CRMP1: variants seen among roughly 807,000 people sequenced by gnomAD.
The protein encoded by CRMP1 is dihydropyrimidinase-related protein 1.
CRMP1 carries 19 observed loss-of-function variants against 68.3 expected under a neutral mutation model. The observed-to-expected ratio is 0.28, with a 90% CI of 0.19 to 0.41. The LOEUF (loss-of-function observed/expected upper bound fraction) is 0.41, where lower values mean the gene tolerates loss of function less well. CRMP1 is among the 10% of genes least tolerant of loss of function. The probability of loss-of-function intolerance (pLI) is 1.00; values close to 1 mark genes in which losing one functional copy is unlikely to be tolerated. For missense variants in CRMP1, 791 were observed against 967.4 expected, an observed-to-expected ratio of 0.82 and a Z score of 2.42; for synonymous variants, 439 against 399.6, an observed-to-expected ratio of 1.10 and a Z score of -1.18.
rs547572178 is a variant in CRMP1 at position 5,871,336 on chromosome 4, CAG to C, written c.382-4582_382-4581del. 1.6e-3 allele frequency among the ~76,000 whole-genome samples: 244 copies of C among 152,256 alleles called. 2 individuals are homozygous for C. Among genetic ancestry groups the C allele is most frequent in the Non-Finnish European group, 2.7e-3 (183 of 68,028 alleles). On this transcript the variant is annotated intron_variant, in intron 1 of 13. Coordinates refer to ENST00000324989, the MANE Select transcript of CRMP1 (RefSeq NM_001014809.3). ...AGATTTTAGTAGGTACAGGCCCAGACAGGGGTTACCCGGTGCCGTGAGTTTAG... is the reference window on the plus strand; with the variant it reads ...AGATTTTAGTAGGTACAGGCCCAGACGGGTTACCCGGTGCCGTGAGTTTAG...
At chr4:5,839,160 G>A (rs2240492) in intron 9 of CRMP1, among the ~76,000 whole-genome samples, 21,956 of 152,176 alleles carry the variant, frequency 0.14, 2,245 homozygotes, top group East Asian at 0.34. Flanking sequence ...TGAGTAAAAC[G>A]AGGGAGACAG....
In CRMP1 at chr4:5,883,222, G is replaced by T. The variant is rs999149958; in HGVS notation, c.381+9367C>A. Among the ~76,000 whole-genome samples the T allele has an allele frequency of 7.0e-6, 1 of 143,342 alleles. No homozygotes were observed. Among genetic ancestry groups the T allele is most frequent in the African/African-American group, 2.6e-5 (1 of 37,898 alleles). The allele number at this position is 143,342 out of a possible 152,430, so 94.0% of individuals were successfully genotyped here. ...TCTGACACCTGTGCCCTGTTCCGCAGCCTGCCTGCTTTCCTTCCTTCCTTC... is the reference window on the plus strand; with the variant it reads ...TCTGACACCTGTGCCCTGTTCCGCATCCTGCCTGCTTTCCTTCCTTCCTTC... On this transcript the variant is annotated intron_variant, in intron 1 of 13. Coordinates refer to ENST00000324989, the MANE Select transcript of CRMP1 (RefSeq NM_001014809.3). The surrounding 1 kb of genome is among the most constrained non-coding windows in gnomAD (Gnocchi z 4.5).
intron 11 of CRMP1, among the ~76,000 whole-genome samples, chr4:5,835,696 A>G (rs1449060358): frequency 1.3e-5 from 2 of 152,038 alleles, no homozygotes; most frequent in Non-Finnish European, 2.9e-5. Flanking sequence ...GAGGAGAGGA[A>G]GAGAGAGAGA....
chr4:5,863,531 C>A (rs76377619), intron 2 of CRMP1, among the ~76,000 whole-genome samples: 3,232 of 152,224 alleles, frequency 0.021, 96 homozygotes, highest in African/African-American at 0.067. Flanking sequence ...CAGAGGGACT[C>A]AGTGAATGGC....
In CRMP1 at chr4:5,842,170, A is replaced by G. The variant is rs10010788; in HGVS notation, c.1033-742T>C. ...GGAGAATGGTGTGAACCCGGGAGGC[A>G]GAGCTTGCAGTGAGCCAAGATGGCG... On this transcript the variant is annotated intron_variant, in intron 7 of 13. Transcript: ENST00000324989. The surrounding 1 kb of genome is among the most constrained non-coding windows in gnomAD (Gnocchi z 4.5). Among the ~76,000 whole-genome samples the G allele has an allele frequency of 0.39, 59,285 of 151,812 alleles. 11,790 individuals are homozygous for G. The highest frequency in any genetic ancestry group is 0.47 in the African/African-American group (19,484 of 41,386).
chr4:5,871,666 C>A (rs1482603912), intron 1 of CRMP1, among the ~76,000 whole-genome samples: 1 of 151,552 alleles, frequency 6.6e-6, no homozygotes, highest in Non-Finnish European at 1.5e-5. Context: ...CGCTCCCCGC[C>A]CACCAAAAAA....
chr4:5,824,348 C>T, intron 13 of CRMP1: 1 of 985,364 alleles, frequency 1.0e-6, no homozygotes, highest in Non-Finnish European at 1.2e-6. Context: ...GAAGCTCTTC[C>T]ATCAAAGTCT....
rs1216564664 is a variant in CRMP1 at position 5,889,558 on chromosome 4, G to A, written c.381+3031C>T. 26 of 1,534,520 alleles carry A rather than the reference G, an allele frequency of 1.7e-5. No individual in the cohort carries two copies. The highest frequency in any genetic ancestry group is 2.2e-5 in the Non-Finnish European group (25 of 1,145,604). ...ATGAAAGAAGATGGAGGAAAAGGGG[G>A]AGCCCCAGCAAGCCCCAACCTCACT... is the stretch of plus-strand genomic sequence containing the variant. On this transcript the variant is annotated intron_variant, in intron 1 of 13. Transcript: ENST00000324989. The surrounding 1 kb of genome is among the most constrained non-coding windows in gnomAD (Gnocchi z 4.5).
At position 5,855,138 on chromosome 4, in the gene CRMP1, G is replaced by C. The variant is rs1329990504; in HGVS notation, c.820+1005C>G. On this transcript the variant is annotated intron_variant, in intron 4 of 13. Coordinates refer to ENST00000324989, the MANE Select transcript of CRMP1 (RefSeq NM_001014809.3). The surrounding 1 kb of genome is among the most constrained non-coding windows in gnomAD (Gnocchi z 4.9). Reference sequence around the variant, plus strand: ...TAACAGCTATTGCACAACCACATAGGGGAAAAATCATCCAAATACACAGGG... The same window carrying C: ...TAACAGCTATTGCACAACCACATAGCGGAAAAATCATCCAAATACACAGGG... Among the ~76,000 whole-genome samples the C allele has an allele frequency of 1.3e-5, 2 of 152,102 alleles. No homozygotes were observed. The highest frequency in any genetic ancestry group is 4.8e-5 in the African/African-American group (2 of 41,394).
intron 13 of CRMP1, among the ~76,000 whole-genome samples, chr4:5,823,035 G>A (rs547213447): frequency 4.6e-5 from 7 of 152,208 alleles, no homozygotes; most frequent in African/African-American, 1.4e-4. Flanking sequence ...CAACTGTCTT[G>A]GTGAATTTTT....
Position 5,858,412 on chromosome 4 carries a change from C to T in CRMP1, c.656-2105G>A, listed in dbSNP as rs1483744352. Among the ~76,000 whole-genome samples, 1 of 151,820 alleles carries T rather than the reference C, an allele frequency of 6.6e-6. No homozygotes were observed. Among genetic ancestry groups the T allele is most frequent in the Non-Finnish European group, 1.5e-5 (1 of 68,024 alleles). ...AACCTCATGCAATACTCTCCCCACC[C>T]CGACCCCAGCTGTGGTGGACATCAC... On this transcript the variant is annotated intron_variant, in intron 3 of 13. Coordinates refer to ENST00000324989, the MANE Select transcript of CRMP1 (RefSeq NM_001014809.3). The surrounding 1 kb of genome is among the most constrained non-coding windows in gnomAD (Gnocchi z 5.5).
rs1225908378 is a variant in CRMP1 at position 5,821,655 on chromosome 4, C to T, written c.*105G>A. On this transcript the variant is annotated 3_prime_UTR_variant, in exon 14 of 14. Transcript: ENST00000324989. The surrounding 1 kb of genome is among the most constrained non-coding windows in gnomAD (Gnocchi z 4.4). ...AGAGCATCCTTCGACTTCCCCCTCC[C>T]TCCATCAGCACCAACTAAAACTGTG... 13 of 1,065,066 alleles carry T rather than the reference C, an allele frequency of 1.2e-5. No individual in the cohort carries two copies. Among genetic ancestry groups the T allele is most frequent in the East Asian group, 2.6e-5 (1 of 38,082 alleles). 66.0% of individuals were successfully genotyped at this position (1,065,066 alleles called of 1,614,324 possible). A position where few individuals can be genotyped will look rare whatever the true frequency, so the allele number is the denominator to read the frequency against.
In CRMP1 at chr4:5,859,397, C is replaced by A. The variant is rs995100963; in HGVS notation, c.655+1629G>T. Among the ~76,000 whole-genome samples the A allele has an allele frequency of 6.6e-6, 1 of 152,208 alleles. No homozygotes were observed. Among genetic ancestry groups the A allele is most frequent in the African/African-American group, 2.4e-5 (1 of 41,454 alleles). On this transcript the variant is annotated intron_variant, in intron 3 of 13. Transcript: ENST00000324989. The surrounding 1 kb of genome is among the most constrained non-coding windows in gnomAD (Gnocchi z 5.2). Reference sequence around the variant, plus strand: ...AGAAAAGCAGGGGACATCCCAGGAACCCTGGCTCCTCATCCAGTACTCCTT... The same window carrying A: ...AGAAAAGCAGGGGACATCCCAGGAAACCTGGCTCCTCATCCAGTACTCCTT...
intron 3 of CRMP1, 106 bp from the exon 4 acceptor site, chr4:5,856,413 T>TCATCATCATCACCATCACCAC (rs1318075677): frequency 4.9e-5 from 48 of 973,660 alleles, no homozygotes; most frequent in Middle Eastern, 2.5e-4. Context: ...ATCACCACCA[T>TCATCATCATCACCATCACCAC]CATCATCATC....
In CRMP1 at chr4:5,883,803, CA is replaced by C. The variant is rs1380482281; in HGVS notation, c.381+8785del. Among the ~76,000 whole-genome samples, 2 of 152,204 alleles carry C rather than the reference CA, an allele frequency of 1.3e-5. No individual in the cohort carries two copies. Among genetic ancestry groups the C allele is most frequent in the Non-Finnish European group, 2.9e-5 (2 of 68,048 alleles). Reference sequence around the variant, plus strand: ...ATATTTACTATGTGCCATGCACACTCATGTATGTTGTATTGTGTGTGCTCCA... The same window carrying C: ...ATATTTACTATGTGCCATGCACACTCTGTATGTTGTATTGTGTGTGCTCCA... On this transcript the variant is annotated intron_variant, in intron 1 of 13. Transcript: ENST00000324989. The surrounding 1 kb of genome is among the most constrained non-coding windows in gnomAD (Gnocchi z 4.5).
At chr4:5,874,663 AAG>A (rs1454752895) in intron 1 of CRMP1, among the ~76,000 whole-genome samples, 5 of 152,094 alleles carry the variant, frequency 3.3e-5, no homozygotes, top group Non-Finnish European at 5.9e-5. Context: ...AGAAAGAAGA[AAG>A]AGAACGTTTG....
In CRMP1 at chr4:5,892,093, G is replaced by T. The variant is rs1206677053; in HGVS notation, c.381+496C>A. 2.0e-5 allele frequency among the ~76,000 whole-genome samples: 3 copies of T among 152,202 alleles called. No homozygotes were observed. On this transcript the variant is annotated intron_variant, in intron 1 of 13. Transcript: ENST00000324989. The surrounding 1 kb of genome is among the most constrained non-coding windows in gnomAD (Gnocchi z 8.6). ...GAAAAAAAGCTCCTTCCAGCTTTAA[G>T]CTGTGTGGCCGCAGGCGACTCGCGG...
chr4:5,879,355 T>C lies in CRMP1; in HGVS notation c.382-12599A>G, dbSNP rs1715074271. Among the ~76,000 whole-genome samples the C allele has an allele frequency of 1.3e-5, 2 of 152,250 alleles. No individual in the cohort carries two copies. Among genetic ancestry groups the C allele is most frequent in the Admixed American group, 1.3e-4 (2 of 15,284 alleles). On this transcript the variant is annotated intron_variant, in intron 1 of 13. Coordinates refer to ENST00000324989, the MANE Select transcript of CRMP1 (RefSeq NM_001014809.3). This position sits in a 1 kb window ranked among gnomAD's most constrained non-coding sequence, Gnocchi z 4.2. ...GAGTCCAGGATCACAAGGTCACTCC[T>C]TGGAGTTCCCACAACATGAGGCTTG...
chr4:5,844,226 C>T (rs951827496), intron 6 of CRMP1, among the ~76,000 whole-genome samples: 7 of 151,936 alleles, frequency 4.6e-5, no homozygotes, highest in African/African-American at 9.7e-5. Flanking sequence ...TTTCAGCTAC[C>T]GAAGACACTG....
Sources: gnomAD v4.1 joint callset for allele counts (sites outside exome capture counted in the v4.1 genomes callset) on GRCh38, gnomAD v4.1.1 for gene constraint, Gnocchi (gnomAD v3.1) non-coding constraint, MANE v1.5 for transcripts, NCBI Gene and HGNC (gene_info 2026-07-23, HGNC 2026-07-21) for gene names.